The following GRTP1 variants were observed in gnomAD, a reference collection of about 807,000 sequenced individuals.
The protein encoded by GRTP1 is growth hormone-regulated TBC protein 1.
GRTP1 carries 56 observed loss-of-function variants against 38.1 expected under a neutral mutation model. That is an observed-to-expected ratio of 1.47 (90% CI 1.19 to 1.84). GRTP1 has a LOEUF of 1.84. Among genes scored for constraint, GRTP1 ranks in the 40% most tolerant of loss-of-function variants. The pLI is 0.00. For synonymous variants in GRTP1, 217 were observed against 189.5 expected (o/e 1.14, Z -1.19); for missense variants, 506 against 453.9 (o/e 1.11, Z -1.04).
intron 3 of GRTP1, chr13:113,351,932 C>T (rs1210560947): frequency 6.6e-6 from 1 of 152,196 alleles, no homozygotes; most frequent in Non-Finnish European, 1.5e-5. Context: ...TGGAGGAACC[C>T]AACCGCCTGT....
In GRTP1 at chr13:113,342,746, G is replaced by A. The variant is rs951288206; in HGVS notation, c.562+2117C>T. ...ATTTGCCTCTTTTCTCTGCCGCTGGGAGAGCTCTGCCGGGATCGGAATAAC... is the reference window on the plus strand; with the variant it reads ...ATTTGCCTCTTTTCTCTGCCGCTGGAAGAGCTCTGCCGGGATCGGAATAAC... On this transcript the variant is annotated intron_variant, in intron 5 of 7. Transcript: ENST00000375431. This position sits in a 1 kb window ranked among gnomAD's most constrained non-coding sequence, Gnocchi z 4.5. 2.0e-5 allele frequency among the ~76,000 whole-genome samples: 3 copies of A among 152,210 alleles called. No individual in the cohort carries two copies. The highest frequency in any genetic ancestry group is 2.9e-5 in the Non-Finnish European group (2 of 68,032).
intron 4 of GRTP1, among the ~76,000 whole-genome samples, chr13:113,345,165 A>G (rs528861113): frequency 6.6e-6 from 1 of 152,268 alleles, no homozygotes; most frequent in Admixed American, 6.5e-5. Context: ...TTACGTGAAA[A>G]GTAAAAGCAA....
At chr13:113,329,094 G>A (rs1397477376) in intron 5 of GRTP1, among the ~76,000 whole-genome samples, 3 of 152,252 alleles carry the variant, frequency 2.0e-5, no homozygotes, top group Non-Finnish European at 2.9e-5. Flanking sequence ...TGCGTGACAC[G>A]TGTTGATAAG....
chr13:113,360,618 C>A (rs1019916334), intron 2 of GRTP1, among the ~76,000 whole-genome samples: 3 of 152,212 alleles, frequency 2.0e-5, no homozygotes, highest in Non-Finnish European at 4.4e-5. Flanking sequence ...AGGCCCCAGG[C>A]CAGTAGAGAC....
intron 7 of GRTP1, 158 bp downstream of exon 7, chr13:113,325,503 G>T (rs776017751): frequency 6.7e-7 from 1 of 1,485,440 alleles, no homozygotes; most frequent in Non-Finnish European, 8.9e-7. Context: ...GAGGCCAGGC[G>T]CAGGGGGCAG....
chr13:113,338,261 A>G (rs910561804), intron 5 of GRTP1, among the ~76,000 whole-genome samples: 2 of 152,156 alleles, frequency 1.3e-5, no homozygotes. Context: ...GGGCTCTACA[A>G]GAGGCCGCGG....
At chr13:113,330,370 A>ACCCAGGTGTGTGCATGGAAG (rs2042844921) in intron 5 of GRTP1, among the ~76,000 whole-genome samples, 1 of 110,058 alleles carries the variant, frequency 9.1e-6, no homozygotes, top group Non-Finnish European at 1.8e-5. Context: ...GTGGAAGGAA[A>ACCCAGGTGTGTGCATGGAAG]CCCAGGTGTG....
chr13:113,347,388 A>G (rs944727740), intron 4 of GRTP1, among the ~76,000 whole-genome samples: 3 of 72,600 alleles, frequency 4.1e-5, no homozygotes, highest in Admixed American at 3.7e-4. Context: ...AGCCGAGAGC[A>G]GACCCGGGAG....
chr13:113,350,715 C>G (rs2043248428), intron 4 of GRTP1, 134 bp downstream of exon 4: 2 of 852,180 alleles, frequency 2.3e-6, no homozygotes, highest in African/African-American at 3.5e-5. Context: ...GCGTCCGAGC[C>G]TCAATGGGGC....
At chr13:113,338,044 G>A (rs899472894) in intron 5 of GRTP1, among the ~76,000 whole-genome samples, 21 of 152,198 alleles carry the variant, frequency 1.4e-4, no homozygotes, top group Admixed American at 9.2e-4. Context: ...GATGTAGAGC[G>A]CTAATTCAGG....
chr13:113,355,532 G>T, intron 2 of GRTP1, 51 bp from the exon 3 acceptor site: 1 of 1,523,132 alleles, frequency 6.6e-7, no homozygotes. Flanking sequence ...GGGCCTGCGG[G>T]GCCCACGCGT....
chr13:113,363,734 G>A (rs779112895), intron 2 of GRTP1, 28 bp downstream of exon 2: 2 of 1,588,976 alleles, frequency 1.3e-6, no homozygotes, highest in Admixed American at 1.7e-5. Flanking sequence ...CTGCGCCCTC[G>A]GGACCCACCT....
intron 5 of GRTP1, among the ~76,000 whole-genome samples, chr13:113,333,874 T>TGTGTTTGTGC (rs33972835): frequency 7.4e-6 from 1 of 135,264 alleles, no homozygotes. Context: ...TGTGTGTGTG[T>TGTGTTTGTGC]CCGAGGCTGG....
In GRTP1 at chr13:113,348,194, G is replaced by A. The variant is rs1368421111; in HGVS notation, c.465+2655C>T. ...AGCAGAACATAGCCAGGCACAGTGG[G>A]GGATCCCAGCACTGTGAGAGGTAGA... On this transcript the variant is annotated intron_variant, in intron 4 of 7. Coordinates refer to ENST00000375431, the MANE Select transcript of GRTP1 (RefSeq NM_024719.4). The surrounding 1 kb of genome is among the most constrained non-coding windows in gnomAD (Gnocchi z 4.8). Among the ~76,000 whole-genome samples, 1 of 152,188 alleles carries A rather than the reference G, an allele frequency of 6.6e-6. No homozygotes were observed. The highest frequency in any genetic ancestry group is 2.4e-5 in the African/African-American group (1 of 41,458).
At chr13:113,341,972 G>T (rs998185517) in intron 5 of GRTP1, among the ~76,000 whole-genome samples, 1 of 151,856 alleles carries the variant, frequency 6.6e-6, no homozygotes, top group Non-Finnish European at 1.5e-5. Context: ...TTGAGATGGA[G>T]TCTCGCTCCG....
At chr13:113,330,041 C>CTGCATGGAAACCCGGGTGCG (rs2042835280) in intron 5 of GRTP1, among the ~76,000 whole-genome samples, 10 of 113,268 alleles carry the variant, frequency 8.8e-5, no homozygotes, top group South Asian at 3.1e-4. Context: ...ACCCAGGTGC[C>CTGCATGGAAACCCGGGTGCG]TGCATGGAAA....
chr13:113,325,678 A>C lies in GRTP1; in HGVS notation c.904T>G (p.Cys302Gly). The change falls in exon 7 of 8, where the codon TGT becomes GGT. Residue 302 changes from cysteine to glycine, a missense_variant. Cys to Gly is a radical substitution (Grantham distance 159, BLOSUM62 -3). Transcript: ENST00000375431. ...CCACACACCTGCATAAACGTGTGAC[A>C]CTCCATCACGAAACTCCCTTTGGTT... The part of the protein sequence containing the change: ...QITKGSFVME[C>G]HTFMQKIFSE... 1 of 1,614,046 alleles carries C rather than the reference A, an allele frequency of 6.2e-7. No homozygotes were observed. Among genetic ancestry groups the C allele is most frequent in the Non-Finnish European group, 8.5e-7 (1 of 1,179,982 alleles).
intron 5 of GRTP1, among the ~76,000 whole-genome samples, chr13:113,336,148 TTCCTTATCCA>T (rs1451930518): frequency 6.6e-6 from 1 of 152,102 alleles, no homozygotes; most frequent in Non-Finnish European, 1.5e-5. Flanking sequence ...GCACCCCACT[TTCCTTATCCA>T]TCCATCTGCG....
At chr13:113,346,168 G>GACCCAGGAGGACCTC (rs1566429423) in intron 4 of GRTP1, among the ~76,000 whole-genome samples, 1 of 144,660 alleles carries the variant, frequency 6.9e-6, no homozygotes, top group Non-Finnish European at 1.5e-5. Flanking sequence ...GTGCCTGACA[G>GACCCAGGAGGACCTC]TGGACCCGGG....
Sources: gnomAD v4.1 joint callset for allele counts (sites outside exome capture counted in the v4.1 genomes callset) on GRCh38, gnomAD v4.1.1 for gene constraint, Gnocchi (gnomAD v3.1) non-coding constraint, MANE v1.5 for transcripts, NCBI Gene and HGNC (gene_info 2026-07-23, HGNC 2026-07-21) for gene names.